Variants in PRKN observed in about 807,000 individuals in gnomAD.
PRKN encodes the protein E3 ubiquitin-protein ligase parkin.
A neutral mutation model predicts 59.5 loss-of-function variants in PRKN; 56 were observed. The observed-to-expected ratio is 0.94, with a 90% CI of 0.76 to 1.18. The LOEUF (loss-of-function observed/expected upper bound fraction) is 1.18. Among genes scored for constraint, PRKN ranks in the 50% most tolerant of loss-of-function variants. The probability of loss-of-function intolerance (pLI) is 0.00; values close to 1 mark genes in which losing one functional copy is unlikely to be tolerated. For missense variants in PRKN, 657 were observed against 596.4 expected, an observed-to-expected ratio of 1.10 and a Z score of -1.06; for synonymous variants, 250 against 222.1, an observed-to-expected ratio of 1.13 and a Z score of -1.12.
rs1007004617 is a variant in PRKN, at chr6:161,560,015, A to G, written c.933+9340T>C. On this transcript the variant is annotated intron_variant, in intron 8 of 11. Coordinates refer to ENST00000366898, the MANE Select transcript of PRKN (RefSeq NM_004562.3). This position sits in a 1 kb window ranked among gnomAD's most constrained non-coding sequence, Gnocchi z 4.9. The stretch of plus-strand genomic sequence containing the variant: ...GATGTCCACCTACGTCCCTCCAAAG[A>G]TCATCACAATGCATCCCTCATGCCC... 5.3e-5 allele frequency among the ~76,000 whole-genome samples: 8 copies of G among 149,748 alleles called. No individual in the cohort carries two copies. Among genetic ancestry groups the G allele is most frequent in the Non-Finnish European group, 1.0e-4 (7 of 66,704 alleles).
chr6:161,836,306 C>T (rs1360963302), intron 6 of PRKN, among the ~76,000 whole-genome samples: 2 of 152,186 alleles, frequency 1.3e-5, no homozygotes, highest in Admixed American at 6.5e-5. Context: ...AGAGGTTCTG[C>T]GATGCCAGTG....
chr6:161,464,411 A>G (rs1790352153), intron 9 of PRKN, among the ~76,000 whole-genome samples: 1 of 152,164 alleles, frequency 6.6e-6, no homozygotes, highest in African/African-American at 2.4e-5. Flanking sequence ...TGAATCTCAG[A>G]TTTTCTTTTT....
At chr6:162,117,813 T>C (rs985685836) in intron 4 of PRKN, among the ~76,000 whole-genome samples, 1 of 152,180 alleles carries the variant, frequency 6.6e-6, no homozygotes, top group Non-Finnish European at 1.5e-5. Flanking sequence ...GTAAACATTT[T>C]TGGGCCGATG....
At chr6:161,398,004 G>A (rs767654538) in intron 9 of PRKN, among the ~76,000 whole-genome samples, 8 of 152,144 alleles carry the variant, frequency 5.3e-5, no homozygotes, top group Non-Finnish European at 1.2e-4. Flanking sequence ...GAATGAAGAC[G>A]CTAGCCAGAG....
chr6:161,897,950 G>C (rs913511876), intron 6 of PRKN, among the ~76,000 whole-genome samples: 1 of 44,956 alleles, frequency 2.2e-5, no homozygotes, highest in Non-Finnish European at 4.6e-5. Context: ...CTGGGTGACA[G>C]AGCGAGACTC....
chr6:161,876,359 G>A (rs779325082), intron 6 of PRKN, among the ~76,000 whole-genome samples: 5 of 152,026 alleles, frequency 3.3e-5, no homozygotes, highest in Admixed American at 6.6e-5. Flanking sequence ...TTGTCCAGAC[G>A]GAAGTACAGT....
intron 1 of PRKN, among the ~76,000 whole-genome samples, chr6:162,497,683 G>A (rs756974469): frequency 3.3e-5 from 5 of 152,156 alleles, no homozygotes; most frequent in Non-Finnish European, 7.3e-5. Flanking sequence ...GAGTCTAGGC[G>A]CCTCCACTTC....
chr6:161,905,145 T>C (rs550892067), intron 6 of PRKN, among the ~76,000 whole-genome samples: 247 of 152,312 alleles, frequency 1.6e-3, no homozygotes, highest in Non-Finnish European at 3.0e-3. Context: ...TATACCATTA[T>C]TGTTACATTT....
intron 7 of PRKN, among the ~76,000 whole-genome samples, chr6:161,780,940 A>C (rs1026073816): frequency 6.6e-6 from 1 of 152,244 alleles, no homozygotes; most frequent in African/African-American, 2.4e-5. Context: ...ACAGTTTTTA[A>C]AAAGGCTGAA....
chr6:162,161,459 A>G (rs182270645), intron 4 of PRKN, among the ~76,000 whole-genome samples: 1 of 152,320 alleles, frequency 6.6e-6, no homozygotes, highest in East Asian at 1.9e-4. Context: ...GAAAATATAA[A>G]ATGAAAAATT....
intron 9 of PRKN, among the ~76,000 whole-genome samples, chr6:161,437,575 G>A (rs1284041214): frequency 1.3e-5 from 2 of 152,172 alleles, no homozygotes; most frequent in Non-Finnish European, 2.9e-5. Flanking sequence ...GCCTGGGCTA[G>A]GCTGGTTGCT....
At chr6:161,774,088 CA>C (rs1244201397) in intron 7 of PRKN, among the ~76,000 whole-genome samples, 1 of 152,112 alleles carries the variant, frequency 6.6e-6, no homozygotes, top group African/African-American at 2.4e-5. Flanking sequence ...ACCGAACAGA[CA>C]GTGCCCTGTT....
intron 6 of PRKN, among the ~76,000 whole-genome samples, chr6:161,949,483 C>T (rs1325667153): frequency 6.6e-6 from 1 of 152,088 alleles, no homozygotes; most frequent in East Asian, 1.9e-4. Flanking sequence ...TGCACTCCAG[C>T]CTGGGCAACA....
chr6:162,470,964 T>C (rs1036551311), intron 1 of PRKN, among the ~76,000 whole-genome samples: 5 of 152,090 alleles, frequency 3.3e-5, no homozygotes, highest in Non-Finnish European at 7.4e-5. Flanking sequence ...TTTCACCATG[T>C]TGGCCAGAAT....
chr6:162,722,346 T>C (rs1358942362), intron 1 of PRKN, among the ~76,000 whole-genome samples: 1 of 152,240 alleles, frequency 6.6e-6, no homozygotes, highest in Non-Finnish European at 1.5e-5. Flanking sequence ...CCTATTACTG[T>C]AATTCCTTTT....
In PRKN at chr6:161,475,226, G is replaced by A. The variant is rs916394192; in HGVS notation, c.1083+73628C>T. Among the ~76,000 whole-genome samples, 4 of 152,276 alleles carry A rather than the reference G, an allele frequency of 2.6e-5. No individual in the cohort carries two copies. Among genetic ancestry groups the A allele is most frequent in the South Asian group, 2.1e-4 (1 of 4,826 alleles). On this transcript the variant is annotated intron_variant, in intron 9 of 11. Transcript: ENST00000366898. The surrounding 1 kb of genome is among the most constrained non-coding windows in gnomAD (Gnocchi z 5.3). ...TACTTATAGTAGATTGCATGTGATC[G>A]CTGCTGTCCTATCAACTGGTGTGAT...
chr6:161,903,216 C>G (rs1583323406), intron 6 of PRKN, among the ~76,000 whole-genome samples: 1 of 152,178 alleles, frequency 6.6e-6, no homozygotes, highest in Non-Finnish European at 1.5e-5. Context: ...CTAGAGCCAA[C>G]TGTGTCTTTC....
chr6:162,612,812 T>G (rs1022311731), intron 1 of PRKN, among the ~76,000 whole-genome samples: 16 of 152,048 alleles, frequency 1.1e-4, no homozygotes, highest in African/African-American at 3.9e-4. Context: ...GGGTGCAGCT[T>G]CCAGGAGAGA....
intron 9 of PRKN, among the ~76,000 whole-genome samples, chr6:161,493,080 A>G (rs1161133950): frequency 1.3e-5 from 2 of 152,224 alleles, no homozygotes; most frequent in Non-Finnish European, 2.9e-5. Flanking sequence ...ATAATAAAGT[A>G]GCTTCAAATT....
Sources: allele counts gnomAD v4.1 joint callset (sites outside exome capture counted in the v4.1 genomes callset), GRCh38; gene constraint gnomAD v4.1.1; non-coding constraint Gnocchi (gnomAD v3.1); transcripts MANE v1.5; gene names NCBI Gene and HGNC (gene_info 2026-07-23, HGNC 2026-07-21).